The following JARID2 variants were observed in gnomAD, a reference collection of about 807,000 sequenced individuals.
JARID2 encodes the protein jumonji and AT-rich interaction domain containing 2, also known as protein Jumonji.
Under a neutral mutation model 125.6 loss-of-function variants are expected in JARID2, and 21 were observed. The ratio of observed to expected loss-of-function variants is 0.17; its 90% confidence interval spans 0.12 to 0.24. JARID2 has a LOEUF of 0.24. Ranked by LOEUF, JARID2 falls within the 10% of genes least tolerant of loss-of-function variation. JARID2 has a pLI of 1.00. For synonymous variants in JARID2, 736 were observed against 661.6 expected (o/e 1.11, Z -1.73); for missense variants, 1,303 against 1,639.6 (o/e 0.79, Z 3.55).
rs534787498 is a variant in JARID2, at chr6:15,248,114, C to A, written c.45+1530C>A. On this transcript the variant is annotated intron_variant, in intron 1 of 17. Coordinates refer to ENST00000341776, the MANE Select transcript of JARID2 (RefSeq NM_004973.4). The stretch of plus-strand genomic sequence containing the variant: ...AGCGGATCGTGTCTCCGAGTCCGGG[C>A]GTCCGGCTGCAAGCCCGTGGCTGGC... 6.1e-6 allele frequency: 6 copies of A among 983,978 alleles called. No homozygotes were observed. The South Asian group carries it at 1.4e-4, about 23-fold the overall frequency. 61.0% of individuals were successfully genotyped at this position (983,978 alleles called of 1,614,324 possible).
intron 1 of JARID2, among the ~76,000 whole-genome samples, chr6:15,298,903 T>G (rs1761503950): frequency 6.7e-6 from 1 of 149,962 alleles, no homozygotes; most frequent in Non-Finnish European, 1.5e-5. Flanking sequence ...CTCCCTTCTC[T>G]CAGTAAAGAC....
chr6:15,330,350 C>T (rs1053070056), intron 1 of JARID2, among the ~76,000 whole-genome samples: 6 of 152,190 alleles, frequency 3.9e-5, no homozygotes, highest in African/African-American at 1.2e-4. Context: ...ACCACCGAAT[C>T]CACATCCTGC....
At chr6:15,440,987 A>G (rs1288480363) in intron 3 of JARID2, among the ~76,000 whole-genome samples, 3 of 152,236 alleles carry the variant, frequency 2.0e-5, no homozygotes, top group Non-Finnish European at 2.9e-5. Flanking sequence ...TTTGAAAATC[A>G]CAAATGATTA....
chr6:15,248,016 C>T (rs1252054244), intron 1 of JARID2: 3 of 985,296 alleles, frequency 3.0e-6, no homozygotes, highest in East Asian at 2.3e-4. Flanking sequence ...GAACCGCACC[C>T]CGCCTCCCAT....
intron 3 of JARID2, among the ~76,000 whole-genome samples, chr6:15,429,079 G>A (rs1271918749): frequency 2.6e-5 from 4 of 152,122 alleles, no homozygotes; most frequent in Non-Finnish European, 2.9e-5. Context: ...TGGGTGGGGC[G>A]AGGAATAGGT....
chr6:15,308,732 C>CG (rs1761917182), intron 1 of JARID2, among the ~76,000 whole-genome samples: 1 of 152,174 alleles, frequency 6.6e-6, no homozygotes, highest in African/African-American at 2.4e-5. Flanking sequence ...TTTGAAAAGA[C>CG]AGGAATTGTA....
chr6:15,263,798 G>T (rs1204957426), intron 1 of JARID2, among the ~76,000 whole-genome samples: 1 of 152,062 alleles, frequency 6.6e-6, no homozygotes, highest in Non-Finnish European at 1.5e-5. Context: ...TCACCTTGTT[G>T]GCCAGGCTGG....
chr6:15,445,484 G>C (rs1192027595), intron 3 of JARID2, among the ~76,000 whole-genome samples: 2 of 152,214 alleles, frequency 1.3e-5, no homozygotes, highest in Non-Finnish European at 2.9e-5. Flanking sequence ...GGCTGTGGGA[G>C]GCTTAGCAGA....
chr6:15,477,488 T>C (rs1769399518), intron 5 of JARID2, among the ~76,000 whole-genome samples: 1 of 142,226 alleles, frequency 7.0e-6, no homozygotes, highest in South Asian at 2.3e-4. Context: ...AGTTGGAATA[T>C]GGGATGGGAG....
At chr6:15,466,992 A>G (rs554034928) in intron 4 of JARID2, among the ~76,000 whole-genome samples, 5 of 152,352 alleles carry the variant, frequency 3.3e-5, no homozygotes, top group African/African-American at 1.2e-4. Flanking sequence ...TCTTCTGTCT[A>G]CAGAGGGTCT....
rs774558475 is a variant in JARID2 at position 15,452,097 on chromosome 6, C to A, written c.415C>A (p.Pro139Thr). ...PVKIVEPLLPPPATQISDLSK... is the reference protein window; with the variant it reads ...PVKIVEPLLPTPATQISDLSK... ...AAAGATAGTGGAGCCATTGCTACCC[C>A]CTCCAGCTACTCAGATATCAGACCT... The change falls in exon 4 of 18, where the codon CCT becomes ACT. Residue 139 changes from proline to threonine, a missense_variant. Transcript: ENST00000341776. 2.5e-6 allele frequency: 4 copies of A among 1,613,966 alleles called. No individual in the cohort carries two copies. The South Asian group carries it at 4.4e-5, about 18-fold the overall frequency.
rs139459914 is a variant in JARID2, at chr6:15,450,465, C to T, written c.324-1541C>T. 2.0e-3 allele frequency among the ~76,000 whole-genome samples: 309 copies of T among 152,222 alleles called. 1 individual carries two copies. Among genetic ancestry groups the T allele is most frequent in the African/African-American group, 6.6e-3 (274 of 41,522 alleles). ...GATTACAGGGATGAACCACTGCGCC[C>T]GGCACTTATTTAGTTTTATTAGTTA... is the stretch of plus-strand genomic sequence containing the variant. On this transcript the variant is annotated intron_variant, in intron 3 of 17. Coordinates refer to ENST00000341776, the MANE Select transcript of JARID2 (RefSeq NM_004973.4).
intron 2 of JARID2, among the ~76,000 whole-genome samples, chr6:15,390,474 C>T (rs79314011): frequency 3.3e-5 from 5 of 152,142 alleles, no homozygotes; most frequent in East Asian, 1.9e-4. Flanking sequence ...CCTTTATGGA[C>T]GAATTCCAAG....
At chr6:15,344,677 T>C (rs1479140709) in intron 1 of JARID2, among the ~76,000 whole-genome samples, 1 of 152,172 alleles carries the variant, frequency 6.6e-6, no homozygotes. Flanking sequence ...ATGCACAGCT[T>C]TTTATTTTAC....
Position 15,452,185 on chromosome 6 carries a change from T to C in JARID2, c.493+10T>C. On this transcript the variant is annotated intron_variant, in intron 4 of 17. Coordinates refer to ENST00000341776, the MANE Select transcript of JARID2 (RefSeq NM_004973.4). ...TTTCTCTGCCTTCGAGGTAAGACTT[T>C]GCAACCATCGGCGGAGGTCTACGTG... 1 of 1,613,692 alleles carries C rather than the reference T, an allele frequency of 6.2e-7. No homozygotes were observed. Among genetic ancestry groups the C allele is most frequent in the Admixed American group, 1.7e-5 (1 of 59,998 alleles).
intron 14 of JARID2, 122 bp downstream of exon 14, chr6:15,512,512 T>C (rs1581668740): frequency 2.1e-6 from 2 of 943,148 alleles, no homozygotes; most frequent in East Asian, 4.8e-5. Context: ...TTTTGGAATA[T>C]GTCTTTGAAA....
intron 2 of JARID2, among the ~76,000 whole-genome samples, chr6:15,377,654 C>T (rs1217697289): frequency 1.3e-5 from 2 of 151,908 alleles, no homozygotes; most frequent in African/African-American, 4.8e-5. Context: ...CCTGTCTTTA[C>T]AAATTATAGT....
chr6:15,484,267 G>C (rs1191194757), intron 5 of JARID2, among the ~76,000 whole-genome samples: 1 of 152,186 alleles, frequency 6.6e-6, no homozygotes, highest in African/African-American at 2.4e-5. Context: ...ATACTGGCAA[G>C]TGTTAGGAGG....
At chr6:15,317,497 C>T (rs1762218004) in intron 1 of JARID2, among the ~76,000 whole-genome samples, 1 of 152,038 alleles carries the variant, frequency 6.6e-6, no homozygotes, top group South Asian at 2.1e-4. Flanking sequence ...AAATTTTTAC[C>T]TTTTACTTCA....
Sources: allele counts gnomAD v4.1 joint callset (sites outside exome capture counted in the v4.1 genomes callset), GRCh38; gene constraint gnomAD v4.1.1; transcripts MANE v1.5; gene names NCBI Gene and HGNC (gene_info 2026-07-23, HGNC 2026-07-21).